Variants in KCNN3 observed in about 807,000 individuals in gnomAD.
KCNN3 encodes potassium calcium-activated channel subfamily N member 3, also known as small conductance calcium-activated potassium channel protein 3.
A neutral mutation model predicts 62.9 loss-of-function variants in KCNN3; 16 were observed. That is an observed-to-expected ratio of 0.25 (90% CI 0.17 to 0.39). The LOEUF (loss-of-function observed/expected upper bound fraction) is 0.39. Among genes scored for constraint, KCNN3 ranks in the 10% least tolerant of loss-of-function variants. The pLI, the probability that KCNN3 is intolerant of heterozygous loss-of-function variation, is 1.00. For missense variants in KCNN3, 599 were observed against 949.4 expected, an observed-to-expected ratio of 0.63 and a Z score of 4.85; for synonymous variants, 370 against 389.2, an observed-to-expected ratio of 0.95 and a Z score of 0.58.
chr1:154,774,786 G>A (rs1272168510), intron 2 of KCNN3, among the ~76,000 whole-genome samples: 1 of 152,224 alleles, frequency 6.6e-6, no homozygotes, highest in East Asian at 1.9e-4. Flanking sequence ...AGCTAGCAGG[G>A]TCCTGTGGCC....
rs1291721595 is a variant in KCNN3, at chr1:154,772,387, C to T, written c.1036G>A (p.Val346Met). The T allele has an allele frequency of 6.2e-7, 1 of 1,614,028 alleles. No individual in the cohort carries two copies. The highest frequency in any genetic ancestry group is 8.5e-7 in the Non-Finnish European group (1 of 1,179,990). ...AYHTREVQLF[V>M]IDNGADDWRI... The stretch of plus-strand genomic sequence containing the variant: ...CAGTCATCCGCGCCATTGTCGATCA[C>T]GAAGAGCTGGTGGGAGCAGAAAGTC... Residue 346 changes from valine to methionine, a missense_variant, in exon 3 of 8, where the codon GTG (valine) becomes ATG (methionine). This residue lies in a region of KCNN3 where 288 missense variants were observed against 557.4 expected (regional missense o/e 0.52). Transcript: ENST00000271915. The surrounding 1 kb of genome is among the most constrained non-coding windows in gnomAD (Gnocchi z 5.6).
rs181221696 is a variant in KCNN3 at position 154,804,499 on chromosome 1, G to C, written c.1029+17590C>G. 7.2e-5 allele frequency among the ~76,000 whole-genome samples: 11 copies of C among 152,262 alleles called. No homozygotes were observed. The South Asian group carries it at 8.3e-4, about 12-fold the overall frequency. ...CACTGTATTATATCATTAATTAGCT[G>C]TTCACCTATTTGACTCCTTCCCTTC... On this transcript the variant is annotated intron_variant, in intron 2 of 7. Transcript: ENST00000271915.
chr1:154,705,024 C>T lies in KCNN3; in HGVS notation c.*2952G>A, dbSNP rs1699940919. 1 of 152,232 alleles carries T rather than the reference C, an allele frequency of 6.6e-6. No individual in the cohort carries two copies. The highest frequency in any genetic ancestry group is 2.4e-5 in the African/African-American group (1 of 41,444). The allele number at this position is 152,232 out of a possible 1,614,324, so 9.4% of individuals were successfully genotyped here. On this transcript the variant is annotated 3_prime_UTR_variant, in exon 8 of 8. Coordinates refer to ENST00000271915, the MANE Select transcript of KCNN3 (RefSeq NM_002249.6). ...TCCTGACCTCAGGTGATCCTCTCGC[C>T]TTGCCCAAAGTCCTGGGATTACAGG...
intron 1 of KCNN3, among the ~76,000 whole-genome samples, chr1:154,849,079 C>T (rs569344529): frequency 3.9e-5 from 6 of 152,314 alleles, no homozygotes; most frequent in South Asian, 4.1e-4. Context: ...GTTTGCTTCC[C>T]GAGGTGGCCA....
intron 1 of KCNN3, among the ~76,000 whole-genome samples, chr1:154,826,243 A>G (rs1651124792): frequency 6.6e-6 from 1 of 152,194 alleles, no homozygotes; most frequent in Non-Finnish European, 1.5e-5. Context: ...AAAGACTGAA[A>G]ATATGTCAAT....
chr1:154,817,581 C>A lies in KCNN3; in HGVS notation c.1029+4508G>T, dbSNP rs775276403. On this transcript the variant is annotated intron_variant, in intron 2 of 7. Transcript: ENST00000271915. ...AAGGCCACCTACACACTAAATGTGA[C>A]AAACAGCATGATTTGCGCCAAGCTG... is the stretch of plus-strand genomic sequence containing the variant. Among the ~76,000 whole-genome samples the A allele has an allele frequency of 4.6e-5, 7 of 152,326 alleles. 1 individual carries two copies. In the South Asian group the frequency reaches 8.3e-4, roughly 18 times the overall value.
At chr1:154,759,145 G>T (rs897302808) in intron 3 of KCNN3, among the ~76,000 whole-genome samples, 2 of 152,208 alleles carry the variant, frequency 1.3e-5, no homozygotes, top group African/African-American at 4.8e-5. Context: ...TCTAGCAGCT[G>T]CGCTATGTGA....
intron 5 of KCNN3, among the ~76,000 whole-genome samples, chr1:154,724,914 T>C (rs748888361): frequency 9.9e-5 from 15 of 151,722 alleles, no homozygotes; most frequent in Admixed American, 7.9e-4. Flanking sequence ...TGGAGTGCAG[T>C]GGCGCGATCT....
chr1:154,757,940 A>G (rs1647806391), intron 3 of KCNN3, among the ~76,000 whole-genome samples: 1 of 152,154 alleles, frequency 6.6e-6, no homozygotes, highest in Non-Finnish European at 1.5e-5. Context: ...CTTTTTGTGA[A>G]TTATCCCCTT....
intron 2 of KCNN3, among the ~76,000 whole-genome samples, chr1:154,795,686 G>A (rs776750035): frequency 6.6e-6 from 1 of 152,208 alleles, no homozygotes; most frequent in South Asian, 2.1e-4. Context: ...GAGGCTCCGT[G>A]GGGGCACTGA....
chr1:154,744,541 C>T (rs762897052), intron 3 of KCNN3, among the ~76,000 whole-genome samples: 4 of 152,138 alleles, frequency 2.6e-5, no homozygotes, highest in African/African-American at 4.8e-5. Flanking sequence ...AGGTGATGGC[C>T]GGGAGGCTCT....
intron 7 of KCNN3, among the ~76,000 whole-genome samples, chr1:154,711,529 G>A (rs577946156): frequency 6.6e-6 from 1 of 151,850 alleles, no homozygotes; most frequent in Non-Finnish European, 1.5e-5. Context: ...AGAAAGTTTG[G>A]TTTGCCTCAT....
chr1:154,822,834 G>C (rs1321322875), intron 1 of KCNN3, among the ~76,000 whole-genome samples: 1 of 152,192 alleles, frequency 6.6e-6, no homozygotes, highest in Non-Finnish European at 1.5e-5. Flanking sequence ...GGGATTAGGT[G>C]GGGGAGGTGA....
chr1:154,709,988 T>C (rs1333904150), intron 7 of KCNN3, among the ~76,000 whole-genome samples: 1 of 152,208 alleles, frequency 6.6e-6, no homozygotes, highest in African/African-American at 2.4e-5. Context: ...AACTACCAAT[T>C]GCAAAACCTT....
In KCNN3 at chr1:154,795,464, A is replaced by T. The variant is rs35657705; in HGVS notation, c.1030-23071T>A. Among the ~76,000 whole-genome samples the T allele has an allele frequency of 2.0e-5, 3 of 152,136 alleles. No homozygotes were observed. The East Asian group carries it at 5.8e-4, about 29-fold the overall frequency. ...TTCTCTGAAGGTTCCAGGACCATCAATTCATGTCTGGAAGTACGGTGGAAG... is the reference window on the plus strand; with the variant it reads ...TTCTCTGAAGGTTCCAGGACCATCATTTCATGTCTGGAAGTACGGTGGAAG... On this transcript the variant is annotated intron_variant, in intron 2 of 7. Transcript: ENST00000271915.
rs572419045 is a variant in KCNN3, at chr1:154,732,535, C to T, written c.1590+468G>A. On this transcript the variant is annotated intron_variant, in intron 4 of 7. Transcript: ENST00000271915. ...CGTCCAGGACTCAGGTCCCAAAGGC[C>T]GACTCAGTGCTCTTTCCCCAGTCCC... Among the ~76,000 whole-genome samples the T allele has an allele frequency of 3.9e-5, 6 of 152,278 alleles. No homozygotes were observed. The South Asian group carries it at 1.0e-3, about 26-fold the overall frequency.
chr1:154,812,284 G>A (rs1650438699), intron 2 of KCNN3, among the ~76,000 whole-genome samples: 1 of 152,048 alleles, frequency 6.6e-6, no homozygotes, highest in African/African-American at 2.4e-5. Flanking sequence ...TATACTTTAA[G>A]TTTTAGGGTA....
At chr1:154,863,253 C>G (rs1652831926) in intron 1 of KCNN3, among the ~76,000 whole-genome samples, 1 of 152,144 alleles carries the variant, frequency 6.6e-6, no homozygotes, top group Non-Finnish European at 1.5e-5. Context: ...CTTAAAAACC[C>G]ATTCGCCTCC....
intron 2 of KCNN3, among the ~76,000 whole-genome samples, chr1:154,805,286 G>A (rs1384412076): frequency 2.0e-5 from 3 of 152,144 alleles, no homozygotes; most frequent in East Asian, 1.9e-4. Flanking sequence ...GTTAGTTCAG[G>A]GCAATGATTC....
Sources: gnomAD v4.1 joint callset for allele counts (sites outside exome capture counted in the v4.1 genomes callset) on GRCh38, gnomAD v4.1.1 for gene constraint, gnomAD v4.1.1 regional missense constraint, Gnocchi (gnomAD v3.1) non-coding constraint, MANE v1.5 for transcripts, NCBI Gene and HGNC (gene_info 2026-07-23, HGNC 2026-07-21) for gene names.